Variants in IL1RAPL2 observed in about 807,000 individuals in gnomAD.
IL1RAPL2 encodes the protein X-linked interleukin-1 receptor accessory protein-like 2.
IL1RAPL2 carries 3 observed loss-of-function variants against 44.1 expected under a neutral mutation model. That is an observed-to-expected ratio of 0.07 (90% CI 0.03 to 0.18). The LOEUF (loss-of-function observed/expected upper bound fraction) is 0.18, where lower values mean the gene tolerates loss of function less well. IL1RAPL2 is among the 10% of genes least tolerant of loss of function. The pLI, the probability that IL1RAPL2 is intolerant of heterozygous loss-of-function variation, is 1.00. For synonymous variants in IL1RAPL2, 181 were observed against 178.8 expected (o/e 1.01, Z -0.10); for missense variants, 391 against 496.4 (o/e 0.79, Z 2.02).
chrX:104,946,270 G>A (rs1428350381), intron 2 of IL1RAPL2, among the ~76,000 whole-genome samples: 1 of 97,051 alleles, frequency 1.0e-5, no homozygotes, highest in Non-Finnish European at 2.1e-5. Flanking sequence ...CTACTCGGGA[G>A]GCTGAGGCAG....
intron 2 of IL1RAPL2, among the ~76,000 whole-genome samples, chrX:104,916,693 T>C (rs74324664): frequency 9.0e-6 from 1 of 111,558 alleles, no homozygotes; most frequent in Non-Finnish European, 1.9e-5. Flanking sequence ...CAGTATGATA[T>C]TGGCTGTGGG....
chrX:104,848,260 C>T lies in IL1RAPL2; in HGVS notation c.82+189265C>T, dbSNP rs899830724. Among the ~76,000 whole-genome samples the T allele has an allele frequency of 3.7e-5, 4 of 108,880 alleles. No individual in the cohort carries two copies. In the Admixed American group the frequency reaches 4.0e-4, roughly 11 times the overall value. 94.5% of individuals were successfully genotyped at this position (108,880 alleles called of 115,157 possible). Reference sequence around the variant, plus strand: ...ATAGTAGTTTTAAAAATAAATTAATCCTTTATAAAACTGTTAAGACCGTCA... The same window carrying T: ...ATAGTAGTTTTAAAAATAAATTAATTCTTTATAAAACTGTTAAGACCGTCA... On this transcript the variant is annotated intron_variant, in intron 2 of 10. Coordinates refer to ENST00000372582, the MANE Select transcript of IL1RAPL2 (RefSeq NM_017416.2).
chrX:104,819,908 T>C (rs1224135668), intron 2 of IL1RAPL2, among the ~76,000 whole-genome samples: 1 of 111,733 alleles, frequency 8.9e-6, no homozygotes, highest in Non-Finnish European at 1.9e-5. Flanking sequence ...GAAATGCTTT[T>C]TGCCTATTCA....
chrX:105,042,524 T>A (rs1297126997), intron 2 of IL1RAPL2, among the ~76,000 whole-genome samples: 1 of 106,569 alleles, frequency 9.4e-6, no homozygotes, highest in Non-Finnish European at 1.9e-5. Flanking sequence ...AAAACCACAA[T>A]GAGATACCAC....
intron 2 of IL1RAPL2, among the ~76,000 whole-genome samples, chrX:104,782,672 G>T (rs1399016146): frequency 1.8e-5 from 2 of 110,967 alleles, no homozygotes; most frequent in Non-Finnish European, 3.8e-5. Context: ...TCTTTGCTGA[G>T]CACCTTATTC....
chrX:104,847,195 T>A (rs1922076916), intron 2 of IL1RAPL2, among the ~76,000 whole-genome samples: 1 of 112,203 alleles, frequency 8.9e-6, no homozygotes, highest in African/African-American at 3.2e-5. Context: ...CTCTTTAGTT[T>A]AATTAGATCC....
At chrX:104,568,673 A>G (rs1451141009) in intron 1 of IL1RAPL2, among the ~76,000 whole-genome samples, 1 of 111,839 alleles carries the variant, frequency 8.9e-6, no homozygotes, top group Non-Finnish European at 1.9e-5. Flanking sequence ...CTTGCCGCAC[A>G]GAACGCGTTC....
chrX:104,905,287 T>G (rs1481023510), intron 2 of IL1RAPL2, among the ~76,000 whole-genome samples: 1 of 111,919 alleles, frequency 8.9e-6, no homozygotes, highest in Non-Finnish European at 1.9e-5. Flanking sequence ...TCTTTTGCTG[T>G]GCAGAAGCTC....
chrX:104,890,124 T>A (rs1356277805), intron 2 of IL1RAPL2, among the ~76,000 whole-genome samples: 1 of 111,901 alleles, frequency 8.9e-6, no homozygotes, highest in African/African-American at 3.3e-5. Flanking sequence ...ACAAAGGACA[T>A]GAACTCATCT....
chrX:105,014,130 C>G (rs1390243281), intron 2 of IL1RAPL2, among the ~76,000 whole-genome samples: 1 of 110,872 alleles, frequency 9.0e-6, no homozygotes, highest in Non-Finnish European at 1.9e-5. Context: ...TTTTTTTTAG[C>G]CCTTGATGTT....
At chrX:104,574,772 T>A (rs2147989804) in intron 1 of IL1RAPL2, among the ~76,000 whole-genome samples, 1 of 111,986 alleles carries the variant, frequency 8.9e-6, no homozygotes, top group East Asian at 2.8e-4. Flanking sequence ...TAAATATAAT[T>A]TAATGGAAAA....
intron 6 of IL1RAPL2, among the ~76,000 whole-genome samples, chrX:105,579,051 T>A (rs1037566462): frequency 8.9e-6 from 1 of 111,908 alleles, no homozygotes; most frequent in Non-Finnish European, 1.9e-5. Flanking sequence ...TTGCATGTCT[T>A]GTGCATGAGC....
intron 2 of IL1RAPL2, among the ~76,000 whole-genome samples, chrX:105,042,197 C>A (rs2147759959): frequency 9.1e-6 from 1 of 110,043 alleles, no homozygotes; most frequent in South Asian, 3.9e-4. Context: ...ACACCAAAAG[C>A]AATGGCAACA....
At chrX:104,678,019 C>G (rs900880179) in intron 2 of IL1RAPL2, among the ~76,000 whole-genome samples, 5 of 112,466 alleles carry the variant, frequency 4.4e-5, no homozygotes, top group Admixed American at 1.9e-4. Context: ...TGAGATGAAC[C>G]CGGTACCTCA....
chrX:104,960,029 C>T (rs1014225421), intron 2 of IL1RAPL2, among the ~76,000 whole-genome samples: 2 of 111,927 alleles, frequency 1.8e-5, no homozygotes, highest in Non-Finnish European at 1.9e-5. Context: ...GTCTTTGTAG[C>T]CATATAGCTC....
chrX:104,676,324 G>C (rs896019258), intron 2 of IL1RAPL2, among the ~76,000 whole-genome samples: 2 of 111,240 alleles, frequency 1.8e-5, no homozygotes, highest in Admixed American at 9.6e-5. Context: ...GCCTTTGCTT[G>C]TCTGTAAAGG....
At chrX:104,804,717 C>T (rs1326396678) in intron 2 of IL1RAPL2, among the ~76,000 whole-genome samples, 1 of 112,038 alleles carries the variant, frequency 8.9e-6, no homozygotes, top group Admixed American at 9.5e-5. Flanking sequence ...AGGATATGTT[C>T]AAGATTATTC....
At chrX:104,798,396 T>C (rs1932863956) in intron 2 of IL1RAPL2, among the ~76,000 whole-genome samples, 1 of 110,322 alleles carries the variant, frequency 9.1e-6, no homozygotes, top group African/African-American at 3.3e-5. Flanking sequence ...CTGTGGCTCA[T>C]GCCTGTAATC....
intron 5 of IL1RAPL2, among the ~76,000 whole-genome samples, chrX:105,304,549 C>T (rs1009676617): frequency 5.4e-5 from 6 of 111,999 alleles, no homozygotes; most frequent in Admixed American, 9.4e-5. Flanking sequence ...AAATCAGTTC[C>T]TAAACAGTCT....
Sources: gnomAD v4.1 joint callset for allele counts (sites outside exome capture counted in the v4.1 genomes callset) on GRCh38, gnomAD v4.1.1 for gene constraint, MANE v1.5 for transcripts, NCBI Gene and HGNC (gene_info 2026-07-23, HGNC 2026-07-21) for gene names.